Variants in PLA2G4C observed in about 807,000 individuals in gnomAD.
The protein encoded by PLA2G4C is cytosolic phospholipase A2 gamma.
In PLA2G4C, 64 loss-of-function variants were observed where a neutral mutation model predicts 73.8. That is an observed-to-expected ratio of 0.87 (90% CI 0.71 to 1.07). PLA2G4C has a LOEUF of 1.07. Among genes scored for constraint, PLA2G4C ranks in the 50% least tolerant of loss-of-function variants. The pLI is 0.00. For synonymous variants in PLA2G4C, 254 were observed against 252.1 expected, an observed-to-expected ratio of 1.01 and a Z score of -0.07; for missense variants, 622 against 665.4, an observed-to-expected ratio of 0.93 and a Z score of 0.72.
chr19:48,063,558 C>T (rs1600169580), intron 13 of PLA2G4C, among the ~76,000 whole-genome samples: 1 of 132,584 alleles, frequency 7.5e-6, no homozygotes, highest in East Asian at 2.4e-4. Context: ...CCCTCCCCCC[C>T]ACCCCCATCC....
At chr19:48,071,933 G>A (rs1194759206) in intron 12 of PLA2G4C, among the ~76,000 whole-genome samples, 9 of 151,750 alleles carry the variant, frequency 5.9e-5, no homozygotes, top group Admixed American at 5.9e-4. Flanking sequence ...GGATCACAAG[G>A]TCAGGAGTTC....
In PLA2G4C at chr19:48,098,274, G is replaced by A. The variant is rs780900067; in HGVS notation, c.448-15C>T. ...GACTCCGGCAGCTTTGGGAGAAGGT[G>A]CCAAGACAGTGTGAGGGAGGCATGT... On this transcript the variant is annotated splice_polypyrimidine_tract_variant and intron_variant, in intron 5 of 16. Coordinates refer to ENST00000599921, the MANE Select transcript of PLA2G4C (RefSeq NM_003706.3). 5.7e-5 allele frequency: 92 copies of A among 1,603,412 alleles called. 1 individual carries two copies. In the South Asian group the frequency reaches 9.1e-4, roughly 16 times the overall value.
rs11564539 is a variant in PLA2G4C, at chr19:48,098,088, C to T, written c.568+51G>A. On this transcript the variant is annotated intron_variant, in intron 6 of 16. Coordinates refer to ENST00000599921, the MANE Select transcript of PLA2G4C (RefSeq NM_003706.3). ...AGGGAAACATTCTTCCATTCCACTC[C>T]GTGCTGTTCCATCCCTTACTACCTC... is the stretch of plus-strand genomic sequence containing the variant. 7.3e-4 allele frequency: 1,153 copies of T among 1,587,786 alleles called. 13 individuals are homozygous for T. The Admixed American group carries it at 0.018, about 25-fold the overall frequency.
chr19:48,055,543 T>C (rs1380599550), intron 14 of PLA2G4C, among the ~76,000 whole-genome samples: 1 of 151,858 alleles, frequency 6.6e-6, no homozygotes, highest in African/African-American at 2.4e-5. Context: ...CTGCAAAGGA[T>C]CTCTGTAATA....
At position 48,061,997 on chromosome 19, in the gene PLA2G4C, C is replaced by G; in HGVS notation, c.1257+1G>C. On this transcript the variant is annotated splice_donor_variant, in intron 14 of 16. Transcript: ENST00000599921. LOFTEE classifies it high-confidence loss of function. ...CCGGCCCCAAAGCCCTTCTCGATTA[C>G]CTCGAAAGGATCTCCGGCACTGAAG... 1 of 1,613,736 alleles carries G rather than the reference C, an allele frequency of 6.2e-7. No homozygotes were observed. Among genetic ancestry groups the G allele is most frequent in the Non-Finnish European group, 8.5e-7 (1 of 1,179,904 alleles).
chr19:48,069,599 C>G (rs935802047), intron 12 of PLA2G4C, among the ~76,000 whole-genome samples: 6 of 152,240 alleles, frequency 3.9e-5, no homozygotes, highest in East Asian at 1.9e-4. Context: ...ACTGCCTCCC[C>G]CTCTGATTTC....
intron 7 of PLA2G4C, among the ~76,000 whole-genome samples, chr19:48,093,091 T>C (rs967131476): frequency 6.6e-6 from 1 of 151,960 alleles, no homozygotes; most frequent in Non-Finnish European, 1.5e-5. Context: ...CAAGACCAGA[T>C]TTAGCAAAGA....
At chr19:48,062,364 AC>A in intron 13 of PLA2G4C, 1 of 410,352 alleles carries the variant, frequency 2.4e-6, no homozygotes, top group Middle Eastern at 6.7e-4. Flanking sequence ...AAATCCCAGC[AC>A]TTTGGGGGCT....
intron 16 of PLA2G4C, among the ~76,000 whole-genome samples, chr19:48,052,633 G>A (rs1357342106): frequency 2.0e-5 from 3 of 152,150 alleles, no homozygotes; most frequent in African/African-American, 2.4e-5. Flanking sequence ...AATATACACG[G>A]AGACAAGCGT....
At position 48,105,478 on chromosome 19, in the gene PLA2G4C, A is replaced by G. The variant is rs1568456704; in HGVS notation, c.9-34T>C. The stretch of plus-strand genomic sequence containing the variant: ...GAGAAAACACAAAGAAGTCCAGAAA[A>G]TTCACAGGGAAAAGGGATAAAACAC... On this transcript the variant is annotated intron_variant, in intron 2 of 16. Coordinates refer to ENST00000599921, the MANE Select transcript of PLA2G4C (RefSeq NM_003706.3). 5 of 1,531,990 alleles carry G rather than the reference A, an allele frequency of 3.3e-6. 1 individual carries two copies. Among genetic ancestry groups the G allele is most frequent in the Non-Finnish European group, 4.5e-6 (5 of 1,109,450 alleles). The allele number at this position is 1,531,990 out of a possible 1,614,324, so 94.9% of individuals were successfully genotyped here.
chr19:48,054,434 G>C (rs1351071044), intron 15 of PLA2G4C, among the ~76,000 whole-genome samples: 1 of 151,992 alleles, frequency 6.6e-6, no homozygotes, highest in Non-Finnish European at 1.5e-5. Flanking sequence ...CTCCTGAGTA[G>C]CTGGGATTAC....
intron 1 of PLA2G4C, among the ~76,000 whole-genome samples, chr19:48,108,153 G>T (rs529487064): frequency 1.3e-5 from 2 of 152,240 alleles, no homozygotes; most frequent in Non-Finnish European, 2.9e-5. Flanking sequence ...CGCACATGGG[G>T]AGAAAGACCC....
intron 9 of PLA2G4C, among the ~76,000 whole-genome samples, chr19:48,087,244 G>A (rs1347382041): frequency 6.6e-6 from 1 of 152,112 alleles, no homozygotes; most frequent in Non-Finnish European, 1.5e-5. Context: ...GGCTCAGCAC[G>A]GAAAGCCCAC....
At chr19:48,078,303 C>G (rs11564595) in intron 10 of PLA2G4C, among the ~76,000 whole-genome samples, 3,117 of 152,148 alleles carry the variant, frequency 0.02, 113 homozygotes, top group African/African-American at 0.07. Flanking sequence ...CTGAGAACTG[C>G]AATAAGACAA....
chr19:48,063,523 G>A (rs938198774), intron 13 of PLA2G4C, among the ~76,000 whole-genome samples: 4 of 150,838 alleles, frequency 2.7e-5, no homozygotes, highest in South Asian at 2.1e-4. Flanking sequence ...CTTTCACAGC[G>A]TAAACCAAAA....
At position 48,074,800 on chromosome 19, in the gene PLA2G4C, G is replaced by A. The variant is rs1427219675; in HGVS notation, c.973C>T (p.Gln325Ter). 1 of 1,613,618 alleles carries A rather than the reference G, an allele frequency of 6.2e-7. No homozygotes were observed. The highest frequency in any genetic ancestry group is 2.2e-5 in the East Asian group (1 of 44,852). ...TCGGGGTCCTCATGGGGCTGCTCCT[G>A]CTTTTCCAGGGAGGTCCTGGTCCAA... The part of the protein sequence containing the change: ...ENWTRTSLEK[Q>*]EQPHEDPERK... Residue 325 changes from glutamine (Q) to a stop codon, truncating the protein, a stop_gained, in exon 12 of 17, where the codon CAG becomes TAG. Coordinates refer to ENST00000599921, the MANE Select transcript of PLA2G4C (RefSeq NM_003706.3). LOFTEE classifies it high-confidence loss of function.
At chr19:48,076,031 T>C (rs2030130103) in intron 11 of PLA2G4C, among the ~76,000 whole-genome samples, 1 of 152,250 alleles carries the variant, frequency 6.6e-6, no homozygotes, top group African/African-American at 2.4e-5. Flanking sequence ...AATCCAACCC[T>C]ACTGGTACTC....
At chr19:48,093,870 G>T (rs116421749) in intron 7 of PLA2G4C, among the ~76,000 whole-genome samples, 1 of 152,146 alleles carries the variant, frequency 6.6e-6, no homozygotes, top group Non-Finnish European at 1.5e-5. Context: ...AGATCTGATG[G>T]TTTGATAAGT....
At chr19:48,098,978 T>C (rs1032363809) in intron 5 of PLA2G4C, among the ~76,000 whole-genome samples, 2 of 151,872 alleles carry the variant, frequency 1.3e-5, no homozygotes, top group Non-Finnish European at 2.9e-5. Context: ...CTCATACACG[T>C]AATCCCAGCA....
Sources: allele counts gnomAD v4.1 joint callset (sites outside exome capture counted in the v4.1 genomes callset), GRCh38; gene constraint gnomAD v4.1.1; transcripts MANE v1.5; gene names NCBI Gene and HGNC (gene_info 2026-07-23, HGNC 2026-07-21).